Variants in FHIP1A observed in about 807,000 individuals in gnomAD.
The protein encoded by FHIP1A is FHF complex subunit HOOK interacting protein 1A, also known as FHF complex subunit HOOK-interacting protein 1A.
In FHIP1A, 61 loss-of-function variants were observed where a neutral mutation model predicts 88.6. The ratio of observed to expected loss-of-function variants is 0.69; its 90% CI spans 0.56 to 0.85. The LOEUF (loss-of-function observed/expected upper bound fraction) is 0.85, where lower values mean the gene tolerates loss of function less well. FHIP1A is among the 40% of genes least tolerant of loss of function. FHIP1A has a pLI of 0.00. For synonymous variants in FHIP1A, 478 were observed against 496.0 expected, an observed-to-expected ratio of 0.96 and a Z score of 0.48; for missense variants, 1,154 against 1,273.5, an observed-to-expected ratio of 0.91 and a Z score of 1.43.
intron 3 of FHIP1A, among the ~76,000 whole-genome samples, chr4:151,490,555 A>C (rs1730246379): frequency 6.6e-6 from 1 of 152,200 alleles, no homozygotes; most frequent in African/African-American, 2.4e-5. Flanking sequence ...CTCCCCAAAT[A>C]AGAGGGAACC....
At chr4:151,620,549 A>T (rs1032650388) in intron 7 of FHIP1A, among the ~76,000 whole-genome samples, 5 of 152,140 alleles carry the variant, frequency 3.3e-5, no homozygotes, top group African/African-American at 4.8e-5. Flanking sequence ...TATTTTTAAA[A>T]TAATAGAAGT....
chr4:151,479,245 A>G (rs375920543), intron 2 of FHIP1A, among the ~76,000 whole-genome samples: 2 of 152,214 alleles, frequency 1.3e-5, no homozygotes, highest in African/African-American at 4.8e-5. Context: ...CTCTGTCTTC[A>G]TCTTTTAGCA....
chr4:151,488,408 G>T (rs1392078788), intron 3 of FHIP1A, among the ~76,000 whole-genome samples: 1 of 152,100 alleles, frequency 6.6e-6, no homozygotes, highest in Non-Finnish European at 1.5e-5. Context: ...TTCTGTTCCT[G>T]CATTAATTCT....
intron 7 of FHIP1A, among the ~76,000 whole-genome samples, chr4:151,612,544 C>G (rs1735364067): frequency 6.6e-6 from 1 of 152,208 alleles, no homozygotes. Context: ...CTACGCCTGG[C>G]TAACTTTTTG....
chr4:151,444,463 A>G (rs1237178408), intron 1 of FHIP1A, among the ~76,000 whole-genome samples: 3 of 152,196 alleles, frequency 2.0e-5, no homozygotes, highest in Admixed American at 2.0e-4. Context: ...ATTGAATGTC[A>G]TATGAACAGT....
chr4:151,510,913 A>G (rs1731005087), intron 3 of FHIP1A, among the ~76,000 whole-genome samples: 1 of 152,226 alleles, frequency 6.6e-6, no homozygotes. Flanking sequence ...CATATGTGAC[A>G]GATACCATAC....
intron 1 of FHIP1A, among the ~76,000 whole-genome samples, chr4:151,413,946 A>G (rs1326644902): frequency 6.6e-6 from 1 of 152,224 alleles, no homozygotes. Context: ...GACAAGGTCA[A>G]CTGTAGAGAC....
intron 3 of FHIP1A, among the ~76,000 whole-genome samples, chr4:151,545,033 C>T (rs1026985988): frequency 6.6e-6 from 1 of 152,136 alleles, no homozygotes; most frequent in Non-Finnish European, 1.5e-5. Context: ...TGTGATCATG[C>T]CACTGCACTC....
intron 7 of FHIP1A, among the ~76,000 whole-genome samples, chr4:151,606,463 G>T (rs1735078127): frequency 6.6e-6 from 1 of 152,162 alleles, no homozygotes; most frequent in Non-Finnish European, 1.5e-5. Flanking sequence ...TTTAGATTTT[G>T]TTTTTTAAAT....
chr4:151,421,065 G>A (rs1423454512), intron 1 of FHIP1A, among the ~76,000 whole-genome samples: 1 of 152,208 alleles, frequency 6.6e-6, no homozygotes, highest in Non-Finnish European at 1.5e-5. Flanking sequence ...GATTTGCAAC[G>A]ATTTTTGCTG....
chr4:151,449,150 A>G (rs1728709222), intron 1 of FHIP1A, among the ~76,000 whole-genome samples: 1 of 152,202 alleles, frequency 6.6e-6, no homozygotes, highest in Non-Finnish European at 1.5e-5. Context: ...GATACATAGT[A>G]AGCTCAAAAA....
chr4:151,533,645 A>C (rs1433320272), intron 3 of FHIP1A, among the ~76,000 whole-genome samples: 1 of 152,218 alleles, frequency 6.6e-6, no homozygotes, highest in Non-Finnish European at 1.5e-5. Flanking sequence ...AATTTGGTGT[A>C]GGGTTTTTTA....
chr4:151,580,355 G>T (rs1039141941), intron 5 of FHIP1A, among the ~76,000 whole-genome samples: 1 of 152,136 alleles, frequency 6.6e-6, no homozygotes, highest in African/African-American at 2.4e-5. Context: ...TTTTGGCAAG[G>T]TTACTTTACA....
intron 13 of FHIP1A, among the ~76,000 whole-genome samples, chr4:151,660,845 C>G (rs1284495923): frequency 2.0e-5 from 3 of 152,218 alleles, no homozygotes; most frequent in Non-Finnish European, 4.4e-5. Context: ...GACACCCATT[C>G]AGAGGTCCCT....
intron 3 of FHIP1A, among the ~76,000 whole-genome samples, chr4:151,518,492 C>G (rs903465062): frequency 1.3e-5 from 2 of 152,120 alleles, no homozygotes; most frequent in African/African-American, 4.8e-5. Context: ...TCTTCTCATA[C>G]TATGGTTTTC....
chr4:151,484,989 T>C, intron 3 of FHIP1A, among the ~76,000 whole-genome samples: 1 of 152,150 alleles, frequency 6.6e-6, no homozygotes, highest in Non-Finnish European at 1.5e-5. Context: ...GGAAGCCATT[T>C]TCAAAAGTGG....
intron 13 of FHIP1A, among the ~76,000 whole-genome samples, chr4:151,661,639 C>T (rs1032087429): frequency 6.6e-6 from 1 of 151,908 alleles, no homozygotes; most frequent in Non-Finnish European, 1.5e-5. Context: ...ATAATTCCTA[C>T]AAATATATGA....
chr4:151,650,230 C>G lies in FHIP1A; in HGVS notation c.2189C>G (p.Ser730Cys), dbSNP rs1169562153. The G allele has an allele frequency of 6.4e-7, 1 of 1,551,626 alleles. No homozygotes were observed. Among genetic ancestry groups the G allele is most frequent in the African/African-American group, 1.4e-5 (1 of 73,046 alleles). The stretch of plus-strand genomic sequence containing the variant: ...CCAGAATCCAACTCAGAGTTAGCAT[C>G]CCCTGCCCCTGAGGCAGAGCACAGC... Reference protein sequence around the residue: ...AAPESNSELASPAPEAEHSSN... With the variant: ...AAPESNSELACPAPEAEHSSN... Residue 730 changes from serine (S) to cysteine (C), a missense_variant, in exon 11 of 14, where the codon TCC (serine) becomes TGC (cysteine). By Grantham distance (112) the Ser-to-Cys change is moderately radical. Coordinates refer to ENST00000435205, the MANE Select transcript of FHIP1A (RefSeq NM_001109977.3).
At chr4:151,633,154 T>TA (rs1736220153) in intron 8 of FHIP1A, among the ~76,000 whole-genome samples, 1 of 151,456 alleles carries the variant, frequency 6.6e-6, no homozygotes, top group Non-Finnish European at 1.5e-5. Context: ...GCCACAGAAA[T>TA]AAAAAAGAGC....
Sources: allele counts gnomAD v4.1 joint callset (sites outside exome capture counted in the v4.1 genomes callset), GRCh38; gene constraint gnomAD v4.1.1; transcripts MANE v1.5; gene names NCBI Gene and HGNC (gene_info 2026-07-23, HGNC 2026-07-21).